Variants in SNX30 observed in about 807,000 individuals in gnomAD.
SNX30 encodes the protein sorting nexin-30.
In SNX30, 24 loss-of-function variants were observed where a neutral mutation model predicts 46.4. The observed-to-expected ratio is 0.52, with a 90% CI of 0.37 to 0.73. The LOEUF (loss-of-function observed/expected upper bound fraction) is 0.73. Ranked by LOEUF, SNX30 falls within the 30% of genes least tolerant of loss-of-function variation. SNX30 has a pLI of 0.00. For synonymous variants in SNX30, 189 were observed against 211.5 expected (o/e 0.89, Z 0.92); for missense variants, 533 against 555.7 (o/e 0.96, Z 0.41).
At chr9:112,880,657 T>G (rs944942655) in intron 5 of SNX30, among the ~76,000 whole-genome samples, 2 of 152,198 alleles carry the variant, frequency 1.3e-5, no homozygotes, top group Non-Finnish European at 2.9e-5. Flanking sequence ...TTAAACACTT[T>G]TTTCTGCTGC....
chr9:112,884,733 G>T (rs1054375234), downstream of SNX30, among the ~76,000 whole-genome samples: 5 of 152,178 alleles, frequency 3.3e-5, no homozygotes, highest in African/African-American at 1.2e-4. Flanking sequence ...TCAATCAGTT[G>T]CTTACTTGTA....
downstream of SNX30, among the ~76,000 whole-genome samples, chr9:112,884,629 T>A (rs1473922148): frequency 6.6e-6 from 1 of 152,228 alleles, no homozygotes; most frequent in Non-Finnish European, 1.5e-5. Context: ...AGCAGTCAAT[T>A]TAAAATCTGG....
chr9:112,782,162 G>A (rs1280674251), intron 1 of SNX30, among the ~76,000 whole-genome samples: 1 of 152,022 alleles, frequency 6.6e-6, no homozygotes, highest in Non-Finnish European at 1.5e-5. Flanking sequence ...TACCTTCCGG[G>A]TTCAAGAGAT....
chr9:112,855,396 G>A (rs1484570039), intron 7 of SNX30, among the ~76,000 whole-genome samples: 1 of 152,186 alleles, frequency 6.6e-6, no homozygotes, highest in African/African-American at 2.4e-5. Context: ...ATCCGAGGGA[G>A]TCTGGGGGCT....
chr9:112,829,895 G>A (rs1840635082), intron 3 of SNX30, among the ~76,000 whole-genome samples: 1 of 152,018 alleles, frequency 6.6e-6, no homozygotes, highest in Non-Finnish European at 1.5e-5. Context: ...ATCTTCTTTA[G>A]AGAAATATCT....
chr9:112,767,063 C>T (rs920689378), intron 1 of SNX30, among the ~76,000 whole-genome samples: 2 of 151,764 alleles, frequency 1.3e-5, no homozygotes, highest in African/African-American at 4.8e-5. Context: ...TTTTACAATC[C>T]TGCCAACAGT....
At chr9:112,774,013 A>G (rs1475921629) in intron 1 of SNX30, among the ~76,000 whole-genome samples, 6 of 152,200 alleles carry the variant, frequency 3.9e-5, no homozygotes, top group Non-Finnish European at 7.3e-5. Flanking sequence ...GGTTTATTTC[A>G]CTGGCCAGAA....
chr9:112,780,750 T>G (rs1839833033), intron 1 of SNX30, among the ~76,000 whole-genome samples: 1 of 152,216 alleles, frequency 6.6e-6, no homozygotes, highest in Non-Finnish European at 1.5e-5. Flanking sequence ...GGCTTGAATT[T>G]CATAGTAAGA....
intron 1 of SNX30, among the ~76,000 whole-genome samples, chr9:112,761,266 G>A (rs1252898796): frequency 6.6e-6 from 1 of 152,144 alleles, no homozygotes; most frequent in Non-Finnish European, 1.5e-5. Context: ...GTGTTCAAGC[G>A]ATTCTCCTGC....
At chr9:112,768,664 T>C (rs1390925657) in intron 1 of SNX30, among the ~76,000 whole-genome samples, 2 of 143,332 alleles carry the variant, frequency 1.4e-5, no homozygotes, top group Admixed American at 7.0e-5. Flanking sequence ...TTTTTTTTTT[T>C]TTTTTTTTTT....
At chr9:112,760,415 T>G (rs576373745) in intron 1 of SNX30, among the ~76,000 whole-genome samples, 4 of 152,324 alleles carry the variant, frequency 2.6e-5, no homozygotes, top group African/African-American at 9.6e-5. Flanking sequence ...TATCTTTTAT[T>G]AGCCAAAATA....
intron 1 of SNX30, among the ~76,000 whole-genome samples, chr9:112,757,395 C>G (rs2796033): frequency 5.3e-5 from 8 of 151,990 alleles, no homozygotes. Context: ...TCTATCTGTT[C>G]GTCCATTGAG....
At chr9:112,879,570 T>C, downstream of SNX30, 1 of 546,330 alleles carries the variant, frequency 1.8e-6, no homozygotes. Context: ...CGTTTTTCCA[T>C]CACCAGGAAA....
At chr9:112,829,468 G>T (rs1402380772) in intron 3 of SNX30, among the ~76,000 whole-genome samples, 1 of 152,174 alleles carries the variant, frequency 6.6e-6, no homozygotes, top group Non-Finnish European at 1.5e-5. Context: ...TTTTGGTAGA[G>T]ACGTGGTTTC....
chr9:112,778,462 G>A (rs925514552), intron 1 of SNX30, among the ~76,000 whole-genome samples: 1 of 152,108 alleles, frequency 6.6e-6, no homozygotes, highest in Non-Finnish European at 1.5e-5. Context: ...AGTAGAGAGG[G>A]GGTTTCGCCA....
chr9:112,816,316 T>C (rs1036102871), intron 2 of SNX30, among the ~76,000 whole-genome samples: 7 of 152,260 alleles, frequency 4.6e-5, no homozygotes, highest in Non-Finnish European at 8.8e-5. Flanking sequence ...TCTGTCATGC[T>C]GTGCTTGAAA....
At chr9:112,779,650 G>A (rs906724488) in intron 1 of SNX30, among the ~76,000 whole-genome samples, 2 of 152,130 alleles carry the variant, frequency 1.3e-5, no homozygotes, top group African/African-American at 4.8e-5. Flanking sequence ...AGCCAAGATC[G>A]CGCCACTGCA....
downstream of SNX30, chr9:112,879,609 T>G: frequency 3.1e-6 from 2 of 639,772 alleles, no homozygotes; most frequent in Non-Finnish European, 5.5e-6. Context: ...CAGGGATCCC[T>G]GAGCCAGAGC....
chr9:112,864,220 G>A (rs1841281912), intron 7 of SNX30, 27 bp from the exon 8 acceptor site: 1 of 1,612,450 alleles, frequency 6.2e-7, no homozygotes, highest in Middle Eastern at 1.9e-4. Context: ...TGTGTGCAGG[G>A]CACCCATGTG....
Sources: gnomAD v4.1 joint callset for allele counts (sites outside exome capture counted in the v4.1 genomes callset) on GRCh38, gnomAD v4.1.1 for gene constraint, MANE v1.5 for transcripts, NCBI Gene and HGNC (gene_info 2026-07-23, HGNC 2026-07-21) for gene names.